The following ZFHX3 variants were observed in gnomAD, a reference collection of about 807,000 sequenced individuals.
ZFHX3 encodes the protein zinc finger homeobox protein 3.
ZFHX3 carries 42 observed loss-of-function variants against 279.1 expected under a neutral mutation model. That is an observed-to-expected ratio of 0.15 (90% confidence interval 0.12 to 0.19). The LOEUF is 0.19. Ranked by LOEUF, ZFHX3 falls within the 10% of genes least tolerant of loss-of-function variation. ZFHX3 has a pLI of 1.00. For synonymous variants in ZFHX3, 2,293 were observed against 1,957.8 expected (o/e 1.17, Z -4.52); for missense variants, 4,981 against 4,754.0 (o/e 1.05, Z -1.40).
chr16:73,588,718 AAAACAAG>A (rs1243042346), intron 2 of ZFHX3, among the ~76,000 whole-genome samples: 1 of 151,406 alleles, frequency 6.6e-6, no homozygotes, highest in African/African-American at 2.4e-5. Context: ...AAAAAAAAAA[AAAACAAG>A]AAAACAAGAG....
chr16:73,254,685 T>C (rs1421834937), intron 5 of ZFHX3, among the ~76,000 whole-genome samples: 2 of 152,210 alleles, frequency 1.3e-5, no homozygotes, highest in African/African-American at 4.8e-5. Flanking sequence ...TATATGATTT[T>C]ATGCAATCAG....
At chr16:73,866,496 G>A (rs963000884) in intron 1 of ZFHX3, among the ~76,000 whole-genome samples, 10 of 151,826 alleles carry the variant, frequency 6.6e-5, no homozygotes, top group African/African-American at 2.4e-4. Flanking sequence ...ACAAATGCCC[G>A]TCACTCCCAC....
chr16:73,883,823 C>T (rs1003411423), intron 1 of ZFHX3, among the ~76,000 whole-genome samples: 2 of 152,002 alleles, frequency 1.3e-5, no homozygotes, highest in African/African-American at 2.4e-5. Flanking sequence ...TCAAGGGTGC[C>T]TCTTACTGCC....
intron 3 of ZFHX3, among the ~76,000 whole-genome samples, chr16:73,414,252 A>G (rs947470897): frequency 6.6e-6 from 1 of 152,266 alleles, no homozygotes; most frequent in African/African-American, 2.4e-5. Flanking sequence ...ACCATAATTC[A>G]GGGTATAACC....
intron 3 of ZFHX3, among the ~76,000 whole-genome samples, chr16:72,934,041 A>C (rs2031135808): frequency 1.3e-5 from 2 of 152,006 alleles, no homozygotes; most frequent in Admixed American, 1.3e-4. Context: ...GATGGCCTCC[A>C]TCTCCTGACC....
intron 1 of ZFHX3, among the ~76,000 whole-genome samples, chr16:73,687,846 CA>C (rs535371406): frequency 0.034 from 2,169 of 63,872 alleles, 11 homozygotes; most frequent in African/African-American, 0.064. Context: ...GACTCTGTCT[CA>C]AAAAAAAAAA....
At chr16:73,331,233 C>G (rs1459444105) in intron 3 of ZFHX3, among the ~76,000 whole-genome samples, 1 of 152,132 alleles carries the variant, frequency 6.6e-6, no homozygotes, top group Admixed American at 6.5e-5. Context: ...ATCATGAGAA[C>G]AGCATGGAGG....
chr16:73,305,514 C>A (rs947586377), intron 4 of ZFHX3, among the ~76,000 whole-genome samples: 1 of 151,930 alleles, frequency 6.6e-6, no homozygotes, highest in African/African-American at 2.4e-5. Context: ...TTAGGAATAA[C>A]AATCAGTTGC....
chr16:73,721,699 A>T (rs558634976), intron 1 of ZFHX3, among the ~76,000 whole-genome samples: 1 of 152,276 alleles, frequency 6.6e-6, no homozygotes, highest in South Asian at 2.1e-4. Context: ...CAATATCTCA[A>T]CTCTGGAATC....
intron 2 of ZFHX3, among the ~76,000 whole-genome samples, chr16:73,623,510 ATGT>A: frequency 6.6e-6 from 1 of 152,286 alleles, no homozygotes; most frequent in African/African-American, 2.4e-5. Flanking sequence ...GCAAGTATTG[ATGT>A]TGTAGTAAAA....
intron 8 of ZFHX3, among the ~76,000 whole-genome samples, chr16:73,072,417 C>T (rs1965835381): frequency 6.7e-6 from 1 of 148,682 alleles, no homozygotes; most frequent in Non-Finnish European, 1.5e-5. Context: ...GCACTTCAGC[C>T]TGAGCAACAA....
intron 2 of ZFHX3, among the ~76,000 whole-genome samples, chr16:73,559,181 A>G (rs538841465): frequency 6.6e-6 from 1 of 151,696 alleles, no homozygotes; most frequent in East Asian, 2.0e-4. Flanking sequence ...CCAAGTAGCT[A>G]AGACTACAGA....
chr16:73,272,649 A>G (rs1352433589), intron 4 of ZFHX3, among the ~76,000 whole-genome samples: 1 of 152,248 alleles, frequency 6.6e-6, no homozygotes, highest in Non-Finnish European at 1.5e-5. Flanking sequence ...GAAAGTAAAA[A>G]GGAACATTGC....
chr16:73,368,823 T>G (rs1018699904), intron 3 of ZFHX3, among the ~76,000 whole-genome samples: 1 of 152,188 alleles, frequency 6.6e-6, no homozygotes, highest in African/African-American at 2.4e-5. Context: ...TCGAAACAAT[T>G]AACTCATGGA....
At chr16:73,821,460 G>A (rs969208913) in intron 1 of ZFHX3, among the ~76,000 whole-genome samples, 1 of 152,240 alleles carries the variant, frequency 6.6e-6, no homozygotes, top group African/African-American at 2.4e-5. Flanking sequence ...CCTATGACCT[G>A]TTGGGTGGCC....
At chr16:72,903,534 A>T (rs1370312052) in intron 3 of ZFHX3, among the ~76,000 whole-genome samples, 1 of 152,186 alleles carries the variant, frequency 6.6e-6, no homozygotes, top group Non-Finnish European at 1.5e-5. Flanking sequence ...GATGCCCAAG[A>T]TATAGCTAGA....
chr16:73,519,929 G>A (rs1421889639), intron 2 of ZFHX3, among the ~76,000 whole-genome samples: 1 of 152,298 alleles, frequency 6.6e-6, no homozygotes, highest in East Asian at 1.9e-4. Context: ...TACTAGCAGT[G>A]TAATTGGAGT....
intron 4 of ZFHX3, among the ~76,000 whole-genome samples, chr16:73,280,630 G>A (rs2014431885): frequency 6.6e-6 from 1 of 152,066 alleles, no homozygotes; most frequent in South Asian, 2.1e-4. Flanking sequence ...TGGAAAGAAG[G>A]AAAACCTTGT....
chr16:72,834,992 C>A (rs1450302819), intron 4 of ZFHX3, among the ~76,000 whole-genome samples: 1 of 152,160 alleles, frequency 6.6e-6, no homozygotes. Context: ...CCAAACCTGA[C>A]AAAGCCCCCA....
Sources: allele counts gnomAD v4.1 joint callset (sites outside exome capture counted in the v4.1 genomes callset), GRCh38; gene constraint gnomAD v4.1.1; transcripts MANE v1.5; gene names NCBI Gene and HGNC (gene_info 2026-07-23, HGNC 2026-07-21).